Variants in RANBP17 observed in about 807,000 individuals in gnomAD.
RANBP17 encodes RAN binding protein 17, also known as ran-binding protein 17.
In RANBP17, 158 loss-of-function variants were observed where a neutral mutation model predicts 141.2. The observed-to-expected ratio is 1.12, with a 90% CI of 0.98 to 1.28. The LOEUF (loss-of-function observed/expected upper bound fraction) is 1.28. RANBP17 is among the 50% of genes most tolerant of loss of function. RANBP17 has a pLI of 0.00. For synonymous variants in RANBP17, 430 were observed against 450.0 expected, an observed-to-expected ratio of 0.96 and a Z score of 0.56; for missense variants, 1,438 against 1,290.7, an observed-to-expected ratio of 1.11 and a Z score of -1.75.
At chr5:170,994,944 T>C (rs866959989) in intron 14 of RANBP17, among the ~76,000 whole-genome samples, 2 of 152,082 alleles carry the variant, frequency 1.3e-5, no homozygotes, top group Non-Finnish European at 2.9e-5. Flanking sequence ...TTGTAACTGG[T>C]AAATGTTGAT....
chr5:171,240,777 A>AT (rs1764824010), intron 22 of RANBP17, 151 bp from the exon 23 acceptor site: 7 of 552,466 alleles, frequency 1.3e-5, no homozygotes, highest in Admixed American at 1.0e-4. Flanking sequence ...ATGTATTTAT[A>AT]TTTTTTATTA....
intron 14 of RANBP17, among the ~76,000 whole-genome samples, chr5:171,091,623 T>C (rs994623405): frequency 4.6e-5 from 7 of 152,142 alleles, no homozygotes; most frequent in Non-Finnish European, 7.4e-5. Context: ...CCAAATCTCA[T>C]CTTGAATTCC....
intron 14 of RANBP17, among the ~76,000 whole-genome samples, chr5:171,099,861 CAT>C (rs1379008085): frequency 3.3e-5 from 5 of 152,088 alleles, no homozygotes; most frequent in African/African-American, 1.2e-4. Flanking sequence ...TTGAGATAAT[CAT>C]GTGGTTTTTG....
In RANBP17 at chr5:171,086,348, C is replaced by G. The variant is rs868818786; in HGVS notation, c.1711-83782C>G. ...CATGGTGGATAAGCGTTTTGATGTGCTGCTGGATTCGGTTTGCCAGTATTT... is the reference window on the plus strand; with the variant it reads ...CATGGTGGATAAGCGTTTTGATGTGGTGCTGGATTCGGTTTGCCAGTATTT... On this transcript the variant is annotated intron_variant, in intron 14 of 27. Transcript: ENST00000523189. Among the ~76,000 whole-genome samples the G allele has an allele frequency of 7.6e-3, 1,150 of 151,722 alleles. 14 individuals carry two copies. The highest frequency in any genetic ancestry group is 0.026 in the African/African-American group (1,068 of 41,284).
chr5:171,275,560 G>A (rs1767432076), intron 25 of RANBP17, among the ~76,000 whole-genome samples: 1 of 152,098 alleles, frequency 6.6e-6, no homozygotes, highest in South Asian at 2.1e-4. Flanking sequence ...CATTTTCTGA[G>A]GCTATGATAT....
chr5:171,022,215 G>C (rs58583791), intron 14 of RANBP17, among the ~76,000 whole-genome samples: 6,121 of 152,262 alleles, frequency 0.04, 170 homozygotes, highest in East Asian at 0.12. Flanking sequence ...CCTGATGCCC[G>C]TAGGATTGTT....
chr5:171,205,788 T>G, intron 20 of RANBP17, 176 bp downstream of exon 20: 1 of 698,670 alleles, frequency 1.4e-6, no homozygotes, highest in Non-Finnish European at 2.6e-6. Flanking sequence ...GAGCACAGTA[T>G]TTGGAGACCC....
chr5:171,108,276 A>G (rs1754986122), intron 14 of RANBP17, among the ~76,000 whole-genome samples: 1 of 152,190 alleles, frequency 6.6e-6, no homozygotes, highest in African/African-American at 2.4e-5. Flanking sequence ...TTTCCTATGT[A>G]TGAAGCAGTG....
At chr5:171,123,791 T>G (rs916501155) in intron 14 of RANBP17, among the ~76,000 whole-genome samples, 1 of 152,226 alleles carries the variant, frequency 6.6e-6, no homozygotes, top group Non-Finnish European at 1.5e-5. Context: ...GCCAAAGGAA[T>G]TGGCTACTGC....
chr5:170,935,239 G>T (rs1362388954), intron 12 of RANBP17, among the ~76,000 whole-genome samples: 3 of 152,190 alleles, frequency 2.0e-5, no homozygotes, highest in Middle Eastern at 3.2e-3. Context: ...TCTTTGCAAT[G>T]GGTTCGAACA....
intron 14 of RANBP17, among the ~76,000 whole-genome samples, chr5:171,042,492 T>C (rs1472712558): frequency 2.6e-5 from 4 of 152,142 alleles, no homozygotes; most frequent in Admixed American, 2.6e-4. Flanking sequence ...TTTTCAGTGT[T>C]AGGGAAATAT....
Position 170,904,764 on chromosome 5 carries a change from C to T in RANBP17, c.490-4897C>T, listed in dbSNP as rs529055902. ...AACCTCATATTTAGGCATTTATACA[C>T]TGATAATCATGTCTTCAATAAAAAT... On this transcript the variant is annotated intron_variant, in intron 5 of 27. Transcript: ENST00000523189. Among the ~76,000 whole-genome samples the T allele has an allele frequency of 2.4e-4, 36 of 152,202 alleles. 1 individual carries two copies. In the South Asian group the frequency reaches 4.8e-3, roughly 20 times the overall value.
At chr5:171,199,517 C>A (rs996301122) in intron 18 of RANBP17, among the ~76,000 whole-genome samples, 153 bp from the exon 19 acceptor site, 1 of 152,126 alleles carries the variant, frequency 6.6e-6, no homozygotes, top group African/African-American at 2.4e-5. Context: ...CCAGAATATT[C>A]AGTGAGCAAA....
intron 21 of RANBP17, among the ~76,000 whole-genome samples, chr5:171,217,716 T>C (rs1201230083): frequency 6.6e-6 from 1 of 152,222 alleles, no homozygotes; most frequent in African/African-American, 2.4e-5. Context: ...TATTCTCTGA[T>C]GGTATTTGTA....
At chr5:170,919,659 G>T in intron 11 of RANBP17, 46 bp downstream of exon 11, 11 of 1,400,632 alleles carry the variant, frequency 7.9e-6, no homozygotes, top group South Asian at 3.1e-5. Flanking sequence ...TTTGACACTT[G>T]GAATTTTTTA....
chr5:171,190,248 G>A (rs1761535691), intron 18 of RANBP17, among the ~76,000 whole-genome samples: 1 of 152,154 alleles, frequency 6.6e-6, no homozygotes, highest in Non-Finnish European at 1.5e-5. Flanking sequence ...TTTCTACTCA[G>A]TGATTTGCAC....
chr5:170,867,440 ATAT>A (rs1197753315), intron 1 of RANBP17, among the ~76,000 whole-genome samples: 1 of 152,200 alleles, frequency 6.6e-6, no homozygotes, highest in Non-Finnish European at 1.5e-5. Context: ...ACTAAAATAA[ATAT>A]TATCTATTTT....
intron 14 of RANBP17, among the ~76,000 whole-genome samples, chr5:171,150,822 A>T (rs561750026): frequency 6.6e-6 from 1 of 152,320 alleles, no homozygotes; most frequent in East Asian, 1.9e-4. Context: ...GTTTAGTTAG[A>T]AGTGAACACA....
chr5:170,965,938 A>T (rs1776526224), intron 13 of RANBP17, among the ~76,000 whole-genome samples: 1 of 152,154 alleles, frequency 6.6e-6, no homozygotes. Context: ...CTGTGAAGAA[A>T]GTCATTGGTA....
Sources: allele counts gnomAD v4.1 joint callset (sites outside exome capture counted in the v4.1 genomes callset), GRCh38; gene constraint gnomAD v4.1.1; transcripts MANE v1.5; gene names NCBI Gene and HGNC (gene_info 2026-07-23, HGNC 2026-07-21).